PBRM1: variants seen among roughly 807,000 people sequenced by gnomAD.
PBRM1 encodes the protein protein polybromo-1.
A neutral mutation model predicts 194.5 loss-of-function variants in PBRM1; 27 were observed. That is an observed-to-expected ratio of 0.14 (90% confidence interval 0.10 to 0.19). The LOEUF is 0.19. Among genes scored for constraint, PBRM1 ranks in the 10% least tolerant of loss-of-function variants. PBRM1 has a pLI of 1.00. For missense variants in PBRM1, 1,466 were observed against 2,077.2 expected, an observed-to-expected ratio of 0.71 and a Z score of 5.72; for synonymous variants, 655 against 693.2, an observed-to-expected ratio of 0.94 and a Z score of 0.87.
chr3:52,573,921 A>G (rs2088429684), intron 22 of PBRM1, among the ~76,000 whole-genome samples: 1 of 152,206 alleles, frequency 6.6e-6, no homozygotes, highest in African/African-American at 2.4e-5. Flanking sequence ...TGATAGAGGA[A>G]GCAAAACAGC....
At chr3:52,619,972 C>G (rs1339773773) in intron 13 of PBRM1, among the ~76,000 whole-genome samples, 1 of 152,226 alleles carries the variant, frequency 6.6e-6, no homozygotes, top group Non-Finnish European at 1.5e-5. Flanking sequence ...TTGTGGACCT[C>G]AGACAATTCC....
chr3:52,576,488 C>T (rs2089642884), intron 22 of PBRM1, 53 bp downstream of exon 24: 3 of 1,386,214 alleles, frequency 2.2e-6, no homozygotes, highest in Non-Finnish European at 3.0e-6. Flanking sequence ...AAGTAGTATT[C>T]CATCAATTTT....
exon 30 of PBRM1, chr3:52,548,055 T>C: frequency 6.2e-7 from 1 of 1,606,932 alleles, no homozygotes; most frequent in South Asian, 1.1e-5. Flanking sequence ...AGAAACGTAA[T>C]GATGTGATTA....
exon 17 of PBRM1, chr3:52,603,634 G>A (rs752454573): frequency 2.1e-5 from 34 of 1,613,228 alleles, no homozygotes; most frequent in Admixed American, 5.0e-5. Context: ...GCTGAGTGCC[G>A]GTGAAAGAAG....
intron 15 of PBRM1, among the ~76,000 whole-genome samples, chr3:52,614,571 CTTTTT>C (rs755634978): frequency 8.0e-4 from 110 of 137,516 alleles, no homozygotes; most frequent in African/African-American, 2.8e-3. Flanking sequence ...TTTTTCTTCC[CTTTTT>C]TTTTTTTTTT....
chr3:52,596,472 A>G (rs1395440706), intron 17 of PBRM1, among the ~76,000 whole-genome samples: 6 of 139,808 alleles, frequency 4.3e-5, no homozygotes, highest in East Asian at 2.0e-4. Flanking sequence ...AAAAAAAAAA[A>G]AAAAAAAAGA....
At chr3:52,651,505 CT>C (rs1426597081) in intron 6 of PBRM1, among the ~76,000 whole-genome samples, 1 of 152,170 alleles carries the variant, frequency 6.6e-6, no homozygotes, top group African/African-American at 2.4e-5. Flanking sequence ...TGAAATAAAT[CT>C]TTTGTCACAA....
At chr3:52,662,064 G>A (rs2153912928) in intron 4 of PBRM1, 69 bp downstream of exon 5, 1 of 1,503,482 alleles carries the variant, frequency 6.7e-7, no homozygotes, top group Non-Finnish European at 9.1e-7. Context: ...AGCCCAGAGG[G>A]AATCACAAGC....
intron 21 of PBRM1, among the ~76,000 whole-genome samples, chr3:52,577,468 C>A (rs1365828456): frequency 6.6e-6 from 1 of 150,540 alleles, no homozygotes; most frequent in Non-Finnish European, 1.5e-5. Context: ...TCTAGTGCCC[C>A]TTCACCCCTT....
At chr3:52,636,099 CTGACCTCG>C (rs1338614408) in intron 10 of PBRM1, among the ~76,000 whole-genome samples, 1 of 151,992 alleles carries the variant, frequency 6.6e-6, no homozygotes, top group Non-Finnish European at 1.5e-5. Context: ...TCTCGATCTC[CTGACCTCG>C]TGATCTGCCC....
intron 15 of PBRM1, among the ~76,000 whole-genome samples, chr3:52,615,032 GA>G (rs904737287): frequency 4.7e-5 from 7 of 150,158 alleles, no homozygotes; most frequent in African/African-American, 1.5e-4. Context: ...ACATACCAAG[GA>G]AAAAAAAATC....
In PBRM1 at chr3:52,641,937, C is replaced by A; in HGVS notation, c.1087+17G>T. 1 of 1,497,424 alleles carries A rather than the reference C, an allele frequency of 6.7e-7. No individual in the cohort carries two copies. Among genetic ancestry groups the A allele is most frequent in the South Asian group, 1.1e-5 (1 of 88,860 alleles). The allele number at this position is 1,497,424 out of a possible 1,614,324, so 92.8% of individuals were successfully genotyped here. A position where few individuals can be genotyped will look rare whatever the true frequency, so the allele number is the denominator to read the frequency against. On this transcript the variant is annotated intron_variant, in intron 10 of 29. Transcript: ENST00000296302. ...TCCACTAAGAAGGCATTTCGCTAGTCAAAACCTAATGCCTACCAGCTAAAG... is the reference window on the plus strand; with the variant it reads ...TCCACTAAGAAGGCATTTCGCTAGTAAAAACCTAATGCCTACCAGCTAAAG...
intron 11 of PBRM1, among the ~76,000 whole-genome samples, chr3:52,629,344 C>G (rs1207503631): frequency 6.6e-6 from 1 of 151,974 alleles, no homozygotes; most frequent in Non-Finnish European, 1.5e-5. Flanking sequence ...TGGAAAAAAC[C>G]CTAATGGAAA....
At chr3:52,586,298 T>C (rs762936202) in intron 20 of PBRM1, 127 bp downstream of exon 22, 13 of 773,678 alleles carry the variant, frequency 1.7e-5, no homozygotes, top group Non-Finnish European at 2.7e-5. Flanking sequence ...TATAGTTTCC[T>C]TCTTCCTGTT....
At chr3:52,616,586 G>A (rs1397712494) in intron 14 of PBRM1, among the ~76,000 whole-genome samples, 2 of 152,110 alleles carry the variant, frequency 1.3e-5, no homozygotes, top group Non-Finnish European at 2.9e-5. Flanking sequence ...CCAGCTACTC[G>A]GGAGGCTGAG....
intron 5 of PBRM1, among the ~76,000 whole-genome samples, chr3:52,654,673 C>T (rs937319635): frequency 6.6e-6 from 1 of 152,146 alleles, no homozygotes; most frequent in Non-Finnish European, 1.5e-5. Context: ...CCCCATATCA[C>T]TGTTGTTGAT....
upstream of PBRM1, among the ~76,000 whole-genome samples, chr3:52,682,858 G>A (rs535149854): frequency 3.9e-5 from 6 of 152,216 alleles, no homozygotes; most frequent in South Asian, 2.1e-4. Context: ...CTTGGAGTTC[G>A]AGACCAGACT....
At chr3:52,618,959 G>A (rs2095128864) in intron 13 of PBRM1, among the ~76,000 whole-genome samples, 1 of 152,196 alleles carries the variant, frequency 6.6e-6, no homozygotes, top group African/African-American at 2.4e-5. Flanking sequence ...ATGTTGGTCA[G>A]GCTAGTCTCG....
At chr3:52,616,467 G>T (rs1038527412) in intron 14 of PBRM1, among the ~76,000 whole-genome samples, 4 of 152,292 alleles carry the variant, frequency 2.6e-5, no homozygotes, top group African/African-American at 9.6e-5. Context: ...GCTGAGGCAG[G>T]GGGATCACGA....
Sources: allele counts gnomAD v4.1 joint callset (sites outside exome capture counted in the v4.1 genomes callset), GRCh38; gene constraint gnomAD v4.1.1; transcripts MANE v1.5; gene names NCBI Gene and HGNC (gene_info 2026-07-23, HGNC 2026-07-21).